Variants in B3GALT1 observed in about 807,000 individuals in gnomAD.
The protein encoded by B3GALT1 is beta-1,3-galactosyltransferase 1, also known as UDP-Gal:betaGlcNAc beta 1,3-galactosyltransferase, polypeptide 1.
In B3GALT1, 10 loss-of-function variants were observed where a neutral mutation model predicts 23.2. The ratio of observed to expected loss-of-function variants is 0.43; its 90% CI spans 0.27 to 0.73. The LOEUF is 0.73. Among genes scored for constraint, B3GALT1 ranks in the 30% least tolerant of loss-of-function variants. B3GALT1 has a pLI of 0.21. For synonymous variants in B3GALT1, 156 were observed against 141.5 expected (o/e 1.10, Z -0.73); for missense variants, 299 against 405.4 (o/e 0.74, Z 2.25).
At chr2:167,632,471 T>C (rs1027636376) in intron 2 of B3GALT1, among the ~76,000 whole-genome samples, 1 of 152,100 alleles carries the variant, frequency 6.6e-6, no homozygotes, top group Non-Finnish European at 1.5e-5. Flanking sequence ...TTCCAGACTT[T>C]TTAATGATTG....
At chr2:167,456,686 T>G (rs1025120124) in intron 1 of B3GALT1, among the ~76,000 whole-genome samples, 106 of 152,232 alleles carry the variant, frequency 7.0e-4, no homozygotes, top group African/African-American at 2.3e-3. Flanking sequence ...AGAAAGGCAC[T>G]TTACTTATGA....
At chr2:167,486,525 C>G (rs1699629336) in intron 1 of B3GALT1, among the ~76,000 whole-genome samples, 1 of 151,592 alleles carries the variant, frequency 6.6e-6, no homozygotes, top group Non-Finnish European at 1.5e-5. Flanking sequence ...CGAGACCATC[C>G]TGGCCAACAT....
At chr2:167,517,222 G>GT (rs148254574) in intron 2 of B3GALT1, among the ~76,000 whole-genome samples, 3,642 of 149,842 alleles carry the variant, frequency 0.024, 142 homozygotes, top group African/African-American at 0.084. Context: ...TATTGTTAAG[G>GT]TTTTTTTTTC....
At chr2:167,333,359 A>G (rs1212322620) in intron 1 of B3GALT1, among the ~76,000 whole-genome samples, 1 of 152,248 alleles carries the variant, frequency 6.6e-6, no homozygotes, top group Non-Finnish European at 1.5e-5. Context: ...GTTAGTGTAA[A>G]GCAGGGCTAA....
At chr2:167,338,105 G>A (rs1416336069) in intron 1 of B3GALT1, among the ~76,000 whole-genome samples, 1 of 152,112 alleles carries the variant, frequency 6.6e-6, no homozygotes, top group African/African-American at 2.4e-5. Flanking sequence ...TTTTAAGGAA[G>A]TGTCCTAATT....
chr2:167,348,345 G>A (rs1279749273), intron 1 of B3GALT1, among the ~76,000 whole-genome samples: 1 of 152,018 alleles, frequency 6.6e-6, no homozygotes, highest in Non-Finnish European at 1.5e-5. Flanking sequence ...TTTCCTTCAG[G>A]CAGTGTTTTA....
chr2:167,358,491 T>G (rs1164425079), intron 1 of B3GALT1, among the ~76,000 whole-genome samples: 1 of 152,186 alleles, frequency 6.6e-6, no homozygotes, highest in African/African-American at 2.4e-5. Context: ...TGAATAAAGC[T>G]AACAACATCT....
chr2:167,630,075 T>C (rs1427926468), intron 2 of B3GALT1, among the ~76,000 whole-genome samples: 4 of 151,752 alleles, frequency 2.6e-5, no homozygotes, highest in African/African-American at 7.2e-5. Flanking sequence ...CCTTAGAGAA[T>C]TGAATTGACC....
intron 3 of B3GALT1, among the ~76,000 whole-genome samples, chr2:167,711,395 A>G (rs908729226): frequency 1.3e-5 from 2 of 152,220 alleles, no homozygotes; most frequent in Non-Finnish European, 2.9e-5. Flanking sequence ...ATATTCAATG[A>G]ATGTTTTTAG....
intron 1 of B3GALT1, among the ~76,000 whole-genome samples, chr2:167,462,806 T>TG (rs1699280677): frequency 6.6e-6 from 1 of 152,172 alleles, no homozygotes; most frequent in Admixed American, 6.6e-5. Context: ...ACATTATATA[T>TG]TTTTTAAAAC....
At chr2:167,629,577 C>T (rs187715297) in intron 2 of B3GALT1, among the ~76,000 whole-genome samples, 1 of 151,614 alleles carries the variant, frequency 6.6e-6, no homozygotes, top group Non-Finnish European at 1.5e-5. Context: ...TATATAATAT[C>T]CTCTGAACCT....
At chr2:167,485,424 T>C (rs1013485333) in intron 1 of B3GALT1, among the ~76,000 whole-genome samples, 2 of 152,206 alleles carry the variant, frequency 1.3e-5, no homozygotes, top group African/African-American at 4.8e-5. Context: ...ACTGGTTTGC[T>C]ATCCCAAAGT....
intron 2 of B3GALT1, among the ~76,000 whole-genome samples, chr2:167,597,955 G>T (rs991087541): frequency 1.3e-5 from 2 of 152,156 alleles, no homozygotes; most frequent in African/African-American, 4.8e-5. Flanking sequence ...ACCATAGATA[G>T]ACCTGCTTAC....
chr2:167,747,080 T>G (rs369839683), intron 3 of B3GALT1, among the ~76,000 whole-genome samples: 39 of 152,268 alleles, frequency 2.6e-4, no homozygotes, highest in African/African-American at 8.9e-4. Context: ...TGTGTCGACA[T>G]TTTTCCCTTT....
chr2:167,627,972 A>G (rs894999999), intron 2 of B3GALT1, among the ~76,000 whole-genome samples: 1 of 151,648 alleles, frequency 6.6e-6, no homozygotes, highest in African/African-American at 2.4e-5. Context: ...ATGACGTTTG[A>G]TGTGCTTATT....
At chr2:167,649,707 T>TTTTGA (rs1685825373) in intron 3 of B3GALT1, among the ~76,000 whole-genome samples, 2 of 152,060 alleles carry the variant, frequency 1.3e-5, no homozygotes, top group African/African-American at 4.8e-5. Flanking sequence ...TTAATTTGAT[T>TTTTGA]TTTGATTGAT....
intron 2 of B3GALT1, among the ~76,000 whole-genome samples, chr2:167,536,834 A>G (rs1683437371): frequency 6.6e-6 from 1 of 152,130 alleles, no homozygotes; most frequent in South Asian, 2.1e-4. Flanking sequence ...CATATTGACT[A>G]AGGAACTAGA....
chr2:167,603,226 C>T (rs1232325578), intron 2 of B3GALT1, among the ~76,000 whole-genome samples: 1 of 152,098 alleles, frequency 6.6e-6, no homozygotes, highest in Non-Finnish European at 1.5e-5. Flanking sequence ...CTCAGCTTTT[C>T]CACCTCTACT....
At chr2:167,576,453 AT>A (rs538277034) in intron 2 of B3GALT1, among the ~76,000 whole-genome samples, 302 of 151,224 alleles carry the variant, frequency 2.0e-3, no homozygotes, top group African/African-American at 6.6e-3. Context: ...GCTAAGGAGA[AT>A]TTTTTAGTGA....
Sources: allele counts gnomAD v4.1 joint callset (sites outside exome capture counted in the v4.1 genomes callset), GRCh38; gene constraint gnomAD v4.1.1; transcripts MANE v1.5; gene names NCBI Gene and HGNC (gene_info 2026-07-23, HGNC 2026-07-21).